The following COX4I1 variants were observed in gnomAD, a reference collection of about 807,000 sequenced individuals.
The protein encoded by COX4I1 is cytochrome c oxidase subunit 4I1, also known as cytochrome c oxidase subunit 4 isoform 1, mitochondrial.
COX4I1 carries 18 observed loss-of-function variants against 21.7 expected under a neutral mutation model. The observed-to-expected ratio is 0.83, with a 90% CI of 0.57 to 1.23. The LOEUF (loss-of-function observed/expected upper bound fraction) is 1.23, where lower values mean the gene tolerates loss of function less well. Ranked by LOEUF, COX4I1 falls within the 50% of genes most tolerant of loss-of-function variation. The probability of loss-of-function intolerance (pLI) is 0.00; values close to 1 mark genes in which losing one functional copy is unlikely to be tolerated. For missense variants in COX4I1, 238 were observed against 220.7 expected (o/e 1.08, Z -0.50); for synonymous variants, 100 against 81.5 (o/e 1.23, Z -1.23).
At chr16:85,805,206 T>G in intron 3 of COX4I1, 102 bp downstream of exon 3, 1 of 1,224,310 alleles carries the variant, frequency 8.2e-7, no homozygotes, top group Non-Finnish European at 1.1e-6. Context: ...GAGGCAGTCT[T>G]GCACAGGAGG....
intron 3 of COX4I1, 129 bp downstream of exon 3, chr16:85,805,233 T>G (rs1232984603): frequency 8.5e-6 from 8 of 945,986 alleles, no homozygotes; most frequent in Non-Finnish European, 1.2e-5. Flanking sequence ...CTGCTGGGTT[T>G]CGGGGTCACT....
rs1905711516 is a variant in COX4I1, at chr16:85,801,132, T to TG, written c.-1-69dup. ...CAAACAAAAAAATTCCAAAATGCTC[T>TG]GGGGCAAAAAGAAGACTAATTCCTT... On this transcript the variant is annotated intron_variant, in intron 1 of 4. Transcript: ENST00000253452. The TG allele has an allele frequency of 2.2e-6, 3 of 1,337,048 alleles. No homozygotes were observed. The South Asian group carries it at 3.7e-5, about 17-fold the overall frequency. 82.8% of individuals were successfully genotyped at this position (1,337,048 alleles called of 1,614,324 possible).
At chr16:85,801,455 A>G (rs560344539) in intron 2 of COX4I1, among the ~76,000 whole-genome samples, 177 bp downstream of exon 2, 12 of 152,294 alleles carry the variant, frequency 7.9e-5, no homozygotes, top group South Asian at 6.2e-4. Flanking sequence ...TTATAAGTCA[A>G]ATTGAATCTC....
chr16:85,805,159 T>C (rs760182902), intron 3 of COX4I1, 55 bp downstream of exon 3: 6 of 1,541,466 alleles, frequency 3.9e-6, no homozygotes, highest in South Asian at 2.5e-5. Flanking sequence ...AGCGTGTGTG[T>C]GACAGAGCCT....
intron 2 of COX4I1, chr16:85,803,067 A>G (rs1905896935): frequency 6.6e-6 from 1 of 152,230 alleles, no homozygotes; most frequent in Admixed American, 6.5e-5. Flanking sequence ...GTTCTAGAAC[A>G]TTCTCATCAC....
intron 3 of COX4I1, 71 bp downstream of exon 3, chr16:85,805,175 C>T: frequency 2.1e-6 from 3 of 1,437,394 alleles, no homozygotes; most frequent in African/African-American, 1.7e-5. Flanking sequence ...AGCCTCTGCT[C>T]ACTTCTGGGC....
chr16:85,801,573 T>C (rs1219344899), intron 2 of COX4I1, among the ~76,000 whole-genome samples: 1 of 152,164 alleles, frequency 6.6e-6, no homozygotes, highest in Non-Finnish European at 1.5e-5. Context: ...GCACCATAAC[T>C]GACTGACCTT....
At chr16:85,805,152 G>A (rs371429884) in intron 3 of COX4I1, 48 bp downstream of exon 3, 15 of 1,564,830 alleles carry the variant, frequency 9.6e-6, no homozygotes, top group African/African-American at 6.8e-5. Context: ...TCTCGGAAGC[G>A]TGTGTGTGAC....
intron 1 of COX4I1, 125 bp from the exon 2 acceptor site, chr16:85,801,080 G>A (rs1905704922): frequency 2.9e-6 from 2 of 694,990 alleles, no homozygotes; most frequent in African/African-American, 3.5e-5. Context: ...CAGTGATAAA[G>A]AATGGATCAT....
chr16:85,806,363 G>A, intron 4 of COX4I1: 1 of 666,572 alleles, frequency 1.5e-6, no homozygotes, highest in Non-Finnish European at 2.7e-6. Flanking sequence ...GGCAGAACAG[G>A]CATTTTTGCA....
chr16:85,802,681 A>T (rs2152082360), intron 2 of COX4I1, among the ~76,000 whole-genome samples: 1 of 152,356 alleles, frequency 6.6e-6, no homozygotes, highest in South Asian at 2.1e-4. Flanking sequence ...GCTCAACAGA[A>T]ATCCGTCCAT....
chr16:85,805,559 G>A (rs1265275926), intron 3 of COX4I1, 174 bp from the exon 4 acceptor site: 15 of 856,284 alleles, frequency 1.8e-5, no homozygotes, highest in Admixed American at 1.1e-4. Flanking sequence ...ACATGCCTGC[G>A]TGGGCACGTG....
intron 2 of COX4I1, among the ~76,000 whole-genome samples, chr16:85,802,588 C>G (rs1397719020): frequency 2.0e-5 from 3 of 152,210 alleles, no homozygotes; most frequent in Non-Finnish European, 4.4e-5. Flanking sequence ...TACCATCAGC[C>G]GTCACTGAAG....
At chr16:85,806,639 T>C in intron 4 of COX4I1, 99 bp from the exon 5 acceptor site, 2 of 1,595,676 alleles carry the variant, frequency 1.3e-6, no homozygotes, top group South Asian at 2.2e-5. Flanking sequence ...TCTGCTGACC[T>C]GGTGGCTGGT....
chr16:85,803,931 C>T (rs1905964689), intron 2 of COX4I1: 1 of 152,260 alleles, frequency 6.6e-6, no homozygotes, highest in African/African-American at 2.4e-5. Flanking sequence ...CTCCAGAGTA[C>T]TTTTTCCAAA....
chr16:85,806,623 G>C (rs1323479116), intron 4 of COX4I1, 115 bp from the exon 5 acceptor site: 46 of 1,502,662 alleles, frequency 3.1e-5, no homozygotes, highest in Non-Finnish European at 4.2e-5. Context: ...TTGAGTGGCA[G>C]GTGGCTCTGC....
chr16:85,802,373 G>C (rs866344849), intron 2 of COX4I1, among the ~76,000 whole-genome samples: 5 of 152,296 alleles, frequency 3.3e-5, no homozygotes, highest in South Asian at 2.1e-4. Context: ...GAGTATTGCT[G>C]TCTCAGCCTC....
At chr16:85,800,621 C>T (rs1355597586) in intron 1 of COX4I1, among the ~76,000 whole-genome samples, 1 of 152,088 alleles carries the variant, frequency 6.6e-6, no homozygotes, top group Non-Finnish European at 1.5e-5. Flanking sequence ...AGCATTTTTT[C>T]TTCTTGCCTT....
chr16:85,800,114 C>G (rs1597213646), intron 1 of COX4I1, among the ~76,000 whole-genome samples: 1 of 152,180 alleles, frequency 6.6e-6, no homozygotes, highest in Non-Finnish European at 1.5e-5. Context: ...TGTGCAACCC[C>G]TCCCGGGTTT....
Sources: allele counts gnomAD v4.1 joint callset (sites outside exome capture counted in the v4.1 genomes callset), GRCh38; gene constraint gnomAD v4.1.1; transcripts MANE v1.5; gene names NCBI Gene and HGNC (gene_info 2026-07-23, HGNC 2026-07-21).